Variants in TIMM50 observed in about 807,000 individuals in gnomAD.
TIMM50 encodes the protein mitochondrial import inner membrane translocase subunit TIM50.
In TIMM50, 34 loss-of-function variants were observed where a neutral mutation model predicts 49.6. That is an observed-to-expected ratio of 0.69 (90% confidence interval 0.52 to 0.91). TIMM50 has a LOEUF of 0.91. TIMM50 is among the 40% of genes least tolerant of loss of function. The pLI, the probability that TIMM50 is intolerant of heterozygous loss-of-function variation, is 0.00. For missense variants in TIMM50, 458 were observed against 477.8 expected, an observed-to-expected ratio of 0.96 and a Z score of 0.39; for synonymous variants, 199 against 198.4, an observed-to-expected ratio of 1.00 and a Z score of -0.03.
rs2079552791 is a variant in TIMM50, at chr19:39,492,578, A to G, written c.*2758A>G. 6.6e-6 allele frequency: 1 copy of G among 151,886 alleles called. No individual in the cohort carries two copies. The highest frequency in any genetic ancestry group is 6.6e-5 in the Admixed American group (1 of 15,226). 9.4% of individuals were successfully genotyped at this position (151,886 alleles called of 1,614,324 possible). On this transcript the variant is annotated 3_prime_UTR_variant, in exon 11 of 11. Coordinates refer to ENST00000607714, the MANE Select transcript of TIMM50 (RefSeq NM_001001563.5). ...CCATATGGGTTATTCACAGATTGAA[A>G]TATCTTAGCTGGGCACGGTGGCTCA...
intron 2 of TIMM50, 44 bp downstream of exon 2, chr19:39,482,077 C>A: frequency 6.3e-7 from 1 of 1,596,952 alleles, no homozygotes; most frequent in Non-Finnish European, 8.6e-7. Flanking sequence ...CCTTGGCCTC[C>A]CTGGTCCACT....
Position 39,483,023 on chromosome 19 carries a change from T to C in TIMM50, c.291+107T>C, listed in dbSNP as rs1023923288. 3.7e-6 allele frequency: 6 copies of C among 1,608,486 alleles called. No homozygotes were observed. The African/African-American group carries it at 6.7e-5, about 18-fold the overall frequency. On this transcript the variant is annotated intron_variant, in intron 3 of 10. Transcript: ENST00000607714. ...TTGCTGGTCTGGAGTGAGCCTTTCT[T>C]TCCCAGTGACCTTTGCCTGTTCCTC... is the stretch of plus-strand genomic sequence containing the variant.
In TIMM50 at chr19:39,491,594, A is replaced by G. The variant is rs1323684655; in HGVS notation, c.*1774A>G. 1 of 151,522 alleles carries G rather than the reference A, an allele frequency of 6.6e-6. No individual in the cohort carries two copies. Among genetic ancestry groups the G allele is most frequent in the Non-Finnish European group, 1.5e-5 (1 of 67,912 alleles). 9.4% of individuals were successfully genotyped at this position (151,522 alleles called of 1,614,324 possible). A position where few individuals can be genotyped will look rare whatever the true frequency, so the allele number is the denominator to read the frequency against. On this transcript the variant is annotated 3_prime_UTR_variant, in exon 11 of 11. Transcript: ENST00000607714. ...TGACACTTTGGGAGGCCGAAGCAGG[A>G]GGATTGCTTGAATCCAGGAGTACGA...
Position 39,485,926 on chromosome 19 carries a change from G to C in TIMM50, c.492+119G>C, listed in dbSNP as rs983757610. The C allele has an allele frequency of 9.0e-6, 13 of 1,436,586 alleles. 1 individual carries two copies. The highest frequency in any genetic ancestry group is 4.4e-4 in the Middle Eastern group (2 of 4,586). 89.0% of individuals were successfully genotyped at this position (1,436,586 alleles called of 1,614,324 possible). ...TGGGGAGGAGATGTCACCTGTCATT[G>C]CCTCGCTTTCTTCAGCTGGGAGAAG... On this transcript the variant is annotated intron_variant, in intron 6 of 10. Coordinates refer to ENST00000607714, the MANE Select transcript of TIMM50 (RefSeq NM_001001563.5).
At position 39,480,946 on chromosome 19, in the gene TIMM50, C is replaced by T. The variant is rs375931728; in HGVS notation, c.93C>T (p.Arg31=). 9.0e-5 allele frequency: 142 copies of T among 1,584,790 alleles called. No homozygotes were observed. Among genetic ancestry groups the T allele is most frequent in the Non-Finnish European group, 1.2e-4 (138 of 1,173,710 alleles). ...GCACGAGGTTGGCGACGCCGCCCCG[C>T]CGGGCCCCAGATCAGGTGAGCGGAA... ...GLCTRLATPP[R]RAPDQAAEIG... Residue 31 remains arginine (R), a synonymous_variant, in exon 1 of 11, where the codon CGC becomes CGT. Coordinates refer to ENST00000607714, the MANE Select transcript of TIMM50 (RefSeq NM_001001563.5).
intron 2 of TIMM50, 24 bp from the exon 3 acceptor site, chr19:39,482,861 T>G (rs747891502): frequency 6.2e-7 from 1 of 1,613,934 alleles, no homozygotes; most frequent in Non-Finnish European, 8.5e-7. Flanking sequence ...TAATTCCTCA[T>G]ATTCATCCTG....
intron 10 of TIMM50, among the ~76,000 whole-genome samples, chr19:39,489,103 G>A (rs2079527405): frequency 6.6e-6 from 1 of 152,108 alleles, no homozygotes. Flanking sequence ...CAGGGGTCTA[G>A]GCTGAGGTTC....
intron 2 of TIMM50, 108 bp from the exon 3 acceptor site, chr19:39,482,777 C>T (rs1050335731): frequency 3.4e-6 from 5 of 1,484,956 alleles, no homozygotes; most frequent in Admixed American, 1.8e-5. Flanking sequence ...GAGGCTGTGC[C>T]TCTCTCTTTC....
intron 10 of TIMM50, among the ~76,000 whole-genome samples, chr19:39,488,900 G>C (rs1359170060): frequency 6.6e-6 from 1 of 152,182 alleles, no homozygotes; most frequent in African/African-American, 2.4e-5. Flanking sequence ...GCTGGGAGAG[G>C]GGTTGCCCTT....
Position 39,490,665 on chromosome 19 carries a change from C to T in TIMM50, c.*845C>T, listed in dbSNP as rs899033690. ...TTGGCCTCCCAAAGCGCTAGGATTC[C>T]AGGTGTGAGCTACTGTGCCCAGCTA... On this transcript the variant is annotated 3_prime_UTR_variant, in exon 11 of 11. Transcript: ENST00000607714. 4 of 152,014 alleles carry T rather than the reference C, an allele frequency of 2.6e-5. No individual in the cohort carries two copies. The highest frequency in any genetic ancestry group is 4.4e-5 in the Non-Finnish European group (3 of 68,022). 9.4% of individuals were successfully genotyped at this position (152,014 alleles called of 1,614,324 possible).
At chr19:39,485,887 G>T in intron 6 of TIMM50, 80 bp downstream of exon 6, 1 of 1,577,480 alleles carries the variant, frequency 6.3e-7, no homozygotes, top group Non-Finnish European at 8.6e-7. Context: ...AGCCCTGGCT[G>T]TGCTATGTGA....
chr19:39,481,763 G>A, intron 1 of TIMM50, 120 bp from the exon 2 acceptor site: 2 of 1,298,134 alleles, frequency 1.5e-6, no homozygotes, highest in Non-Finnish European at 1.1e-6. Context: ...GGACACAGAT[G>A]TCCAGGGCTC....
intron 6 of TIMM50, 158 bp from the exon 7 acceptor site, chr19:39,486,029 C>T: frequency 9.4e-7 from 1 of 1,061,852 alleles, no homozygotes; most frequent in Non-Finnish European, 1.4e-6. Flanking sequence ...AGGAGCCAGA[C>T]CCGCAGTCAC....
intron 1 of TIMM50, 101 bp from the exon 2 acceptor site, chr19:39,481,782 T>C: frequency 6.9e-7 from 1 of 1,455,056 alleles, no homozygotes; most frequent in Non-Finnish European, 9.3e-7. Flanking sequence ...TCTGTGGGTG[T>C]CTGCCTCTTG....
intron 8 of TIMM50, among the ~76,000 whole-genome samples, chr19:39,487,146 CT>C (rs1568442590): frequency 6.6e-6 from 1 of 152,190 alleles, no homozygotes; most frequent in African/African-American, 2.4e-5. Context: ...CCACAGTCAC[CT>C]GGGCAGGGGT....
In TIMM50 at chr19:39,489,932, T is replaced by A; in HGVS notation, c.*112T>A. ...TACATCCCAGACGCCACACCTGCTG[T>A]GTCCCGAGAGTCTCCAGATGGGGGC... On this transcript the variant is annotated 3_prime_UTR_variant, in exon 11 of 11. Transcript: ENST00000607714. 1 of 1,041,260 alleles carries A rather than the reference T, an allele frequency of 9.6e-7. No homozygotes were observed. Among genetic ancestry groups the A allele is most frequent in the Non-Finnish European group, 1.4e-6 (1 of 697,066 alleles). The allele number at this position is 1,041,260 out of a possible 1,614,324, so 64.5% of individuals were successfully genotyped here.
intron 4 of TIMM50, chr19:39,483,453 A>T: frequency 2.3e-6 from 1 of 431,836 alleles, no homozygotes; most frequent in South Asian, 4.0e-5. Flanking sequence ...GCCTTAGACC[A>T]AGCATCTGCG....
In TIMM50 at chr19:39,489,747, C is replaced by G. The variant is rs762220642; in HGVS notation, c.989C>G (p.Ser330Cys). ...QEEQQRLAEL[S>C]KSNKQNLFLG... ...GAGCAGCAGCGCCTGGCCGAGCTCTCCAAGTCCAACAAGCAGAACCTCTTC... is the reference window on the plus strand; with the variant it reads ...GAGCAGCAGCGCCTGGCCGAGCTCTGCAAGTCCAACAAGCAGAACCTCTTC... The change falls in exon 11 of 11, where the codon TCC becomes TGC. Residue 330 changes from serine to cysteine, a missense_variant. Ser to Cys is a moderately radical substitution (Grantham distance 112). Transcript: ENST00000607714. 6.2e-7 allele frequency: 1 copy of G among 1,611,526 alleles called. No homozygotes were observed. Among genetic ancestry groups the G allele is most frequent in the Non-Finnish European group, 8.5e-7 (1 of 1,179,102 alleles).
rs1280686856 is a variant in TIMM50 at position 39,483,221 on chromosome 19, C to T, written c.313+65C>T. 9.4e-6 allele frequency: 15 copies of T among 1,602,034 alleles called. No individual in the cohort carries two copies. The East Asian group carries it at 3.3e-4, about 36-fold the overall frequency. On this transcript the variant is annotated intron_variant, in intron 4 of 10. Transcript: ENST00000607714. ...TCAACTCTGTCATTTGTAAGGATGT[C>T]TCTCTCCCCATCTGGTGTCTCCGGC...
Sources: gnomAD v4.1 joint callset for allele counts (sites outside exome capture counted in the v4.1 genomes callset) on GRCh38, gnomAD v4.1.1 for gene constraint, MANE v1.5 for transcripts, NCBI Gene and HGNC (gene_info 2026-07-23, HGNC 2026-07-21) for gene names.